The following CMSS1 variants were observed in gnomAD, a reference collection of about 807,000 sequenced individuals.
CMSS1 encodes the protein protein CMSS1.
A neutral mutation model predicts 43.5 loss-of-function variants in CMSS1; 33 were observed. That is an observed-to-expected ratio of 0.76 (90% CI 0.57 to 1.01). The LOEUF is 1.01. Ranked by LOEUF, CMSS1 falls within the 50% of genes least tolerant of loss-of-function variation. CMSS1 has a pLI of 0.00. For synonymous variants in CMSS1, 115 were observed against 117.2 expected, an observed-to-expected ratio of 0.98 and a Z score of 0.12; for missense variants, 313 against 326.4, an observed-to-expected ratio of 0.96 and a Z score of 0.32.
intron 1 of CMSS1, among the ~76,000 whole-genome samples, chr3:100,014,694 A>ATTG (rs1199866333): frequency 6.6e-6 from 1 of 151,240 alleles, no homozygotes; most frequent in African/African-American, 2.4e-5. Context: ...TTTTCTTGCT[A>ATTG]TTGAGTTCTT....
At chr3:100,147,272 T>TC (rs1316860207) in intron 2 of CMSS1, among the ~76,000 whole-genome samples, 1 of 146,790 alleles carries the variant, frequency 6.8e-6, no homozygotes, top group Non-Finnish European at 1.5e-5. Context: ...TTTCTTTTTT[T>TC]TTTTTTTTTT....
At chr3:99,915,392 G>T (rs1161890224) in intron 1 of CMSS1, among the ~76,000 whole-genome samples, 2 of 152,124 alleles carry the variant, frequency 1.3e-5, no homozygotes, top group East Asian at 3.9e-4. Context: ...CTTAGAGTGG[G>T]AATATTTGAT....
chr3:99,908,447 A>G (rs904684730), intron 1 of CMSS1, among the ~76,000 whole-genome samples: 3 of 152,158 alleles, frequency 2.0e-5, no homozygotes, highest in Non-Finnish European at 4.4e-5. Flanking sequence ...ATTCTCATTC[A>G]GTATGTTTGG....
At chr3:100,175,868 A>G (rs1347313639) in intron 8 of CMSS1, among the ~76,000 whole-genome samples, 1 of 152,146 alleles carries the variant, frequency 6.6e-6, no homozygotes, top group Non-Finnish European at 1.5e-5. Flanking sequence ...TATTCATCTC[A>G]ACTTCCTTTT....
At chr3:100,176,846 T>TA (rs1488237900) in intron 9 of CMSS1, among the ~76,000 whole-genome samples, 1 of 152,212 alleles carries the variant, frequency 6.6e-6, no homozygotes, top group Non-Finnish European at 1.5e-5. Context: ...AGAACCCACT[T>TA]ACTTAATTTA....
intron 1 of CMSS1, among the ~76,000 whole-genome samples, chr3:100,144,363 A>G (rs965155242): frequency 1.3e-5 from 2 of 152,156 alleles, no homozygotes; most frequent in African/African-American, 4.8e-5. Flanking sequence ...TCCCAGTGGG[A>G]TAGGAAAGAT....
intron 1 of CMSS1, among the ~76,000 whole-genome samples, chr3:99,983,456 ATATGTG>A (rs796519364): frequency 2.9e-3 from 29 of 9,838 alleles, no homozygotes; most frequent in African/African-American, 9.9e-3. Flanking sequence ...GTATATATAT[ATATGTG>A]TGTATATATA....
chr3:99,867,012 T>A (rs2107571578), intron 1 of CMSS1, among the ~76,000 whole-genome samples: 1 of 152,366 alleles, frequency 6.6e-6, no homozygotes, highest in South Asian at 2.1e-4. Context: ...AACTTCTGAA[T>A]ACTGAGAAGA....
intron 1 of CMSS1, among the ~76,000 whole-genome samples, chr3:99,983,416 A>ATG (rs1491573257): frequency 4.1e-5 from 4 of 96,958 alleles, no homozygotes; most frequent in East Asian, 5.3e-4. Flanking sequence ...ATATATATAT[A>ATG]TATGTATGTA....
chr3:100,049,409 G>A (rs2065332576), intron 1 of CMSS1, among the ~76,000 whole-genome samples: 2 of 152,122 alleles, frequency 1.3e-5, no homozygotes, highest in Admixed American at 1.3e-4. Flanking sequence ...AAATCACTCA[G>A]CATTATAAGG....
At chr3:100,146,520 G>A (rs1404253073) in intron 1 of CMSS1, among the ~76,000 whole-genome samples, 2 of 151,950 alleles carry the variant, frequency 1.3e-5, no homozygotes, top group African/African-American at 4.8e-5. Flanking sequence ...AAGAATAGAG[G>A]GATTTCATAT....
chr3:100,147,853 A>G lies in CMSS1; in HGVS notation c.153+792A>G, dbSNP rs191758904. Among the ~76,000 whole-genome samples, 481 of 152,224 alleles carry G rather than the reference A, an allele frequency of 3.2e-3. 1 individual carries two copies. The highest frequency in any genetic ancestry group is 0.011 in the African/African-American group (452 of 41,542). ...GTCTTTGCCATTACCAGAATTGGCC[A>G]TTTGGATAATCTTTTTTCCTAAACT... On this transcript the variant is annotated intron_variant, in intron 2 of 9. Transcript: ENST00000421999.
intron 1 of CMSS1, among the ~76,000 whole-genome samples, chr3:100,039,254 T>C (rs1040275863): frequency 6.6e-6 from 1 of 152,156 alleles, no homozygotes; most frequent in Non-Finnish European, 1.5e-5. Flanking sequence ...TAACTTGACC[T>C]CAAAAAACTG....
chr3:100,038,030 C>T (rs1351477331), intron 1 of CMSS1, among the ~76,000 whole-genome samples: 1 of 150,564 alleles, frequency 6.6e-6, no homozygotes, highest in African/African-American at 2.4e-5. Flanking sequence ...TCTCGGCTCA[C>T]TGCAACCTCT....
chr3:99,826,433 G>A (rs951779085), intron 1 of CMSS1, among the ~76,000 whole-genome samples: 2 of 152,182 alleles, frequency 1.3e-5, no homozygotes, highest in African/African-American at 4.8e-5. Context: ...GAAAATAAAT[G>A]TGTAAACGAA....
At chr3:99,933,733 C>G (rs7629426) in intron 1 of CMSS1, among the ~76,000 whole-genome samples, 107,855 of 151,998 alleles carry the variant, frequency 0.71, 38,600 homozygotes, top group East Asian at 0.81. Flanking sequence ...CCATCTATGT[C>G]CTTTGTCTTA....
chr3:100,025,210 G>A (rs967718115), intron 1 of CMSS1, among the ~76,000 whole-genome samples: 10 of 152,084 alleles, frequency 6.6e-5, no homozygotes, highest in South Asian at 4.1e-4. Flanking sequence ...AGTAGGGCTC[G>A]TCCTTCTTGC....
At chr3:99,890,365 T>G (rs1190877182) in intron 1 of CMSS1, among the ~76,000 whole-genome samples, 2 of 152,120 alleles carry the variant, frequency 1.3e-5, no homozygotes, top group South Asian at 4.1e-4. Flanking sequence ...CAGGTTTCAT[T>G]GAGCTTCCTG....
intron 1 of CMSS1, among the ~76,000 whole-genome samples, chr3:99,844,258 C>G (rs1030387407): frequency 6.6e-6 from 1 of 152,120 alleles, no homozygotes; most frequent in Non-Finnish European, 1.5e-5. Flanking sequence ...GGCCCTACGC[C>G]CCCAGAGGTT....
Sources: allele counts gnomAD v4.1 joint callset (sites outside exome capture counted in the v4.1 genomes callset), GRCh38; gene constraint gnomAD v4.1.1; transcripts MANE v1.5; gene names NCBI Gene and HGNC (gene_info 2026-07-23, HGNC 2026-07-21).